DAB2: variants seen among roughly 807,000 people sequenced by gnomAD.
DAB2 encodes the protein DAB adaptor protein 2.
A neutral mutation model predicts 71.6 loss-of-function variants in DAB2; 28 were observed. The ratio of observed to expected loss-of-function variants is 0.39; its 90% CI spans 0.29 to 0.54. DAB2 has a LOEUF of 0.54. Among genes scored for constraint, DAB2 ranks in the 20% least tolerant of loss-of-function variants. The pLI is 0.68. For synonymous variants in DAB2, 345 were observed against 339.7 expected, an observed-to-expected ratio of 1.02 and a Z score of -0.17; for missense variants, 867 against 928.8, an observed-to-expected ratio of 0.93 and a Z score of 0.86.
chr5:39,392,397 A>G lies in DAB2; in HGVS notation c.298T>C (p.Ser100Pro), dbSNP rs1191741864. The stretch of plus-strand genomic sequence containing the variant: ...TTCTCATCAATTATTTTTATCCCAG[A>G]AAGGGAAATGTTGACCCAGATCCTT... ...KQRIWVNISLSGIKIIDEKTG... is the reference protein window; with the variant it reads ...KQRIWVNISLPGIKIIDEKTG... The change falls in exon 4 of 15, where the codon TCT (serine) becomes CCT (proline). Residue 100 changes from serine to proline, a missense_variant. Physicochemically the swap from Ser to Pro is moderately conservative, Grantham distance 74. Transcript: ENST00000320816. 1 of 1,614,072 alleles carries G rather than the reference A, an allele frequency of 6.2e-7. No individual in the cohort carries two copies. The highest frequency in any genetic ancestry group is 8.5e-7 in the Non-Finnish European group (1 of 1,179,934).
chr5:39,394,742 C>T (rs1755316525), intron 1 of DAB2, among the ~76,000 whole-genome samples: 1 of 129,282 alleles, frequency 7.7e-6, no homozygotes, highest in African/African-American at 2.7e-5. Context: ...GGATCGAAAA[C>T]TTGCTAGGCA....
At chr5:39,381,180 G>T (rs1754971891) in intron 11 of DAB2, among the ~76,000 whole-genome samples, 2 of 152,122 alleles carry the variant, frequency 1.3e-5, no homozygotes, top group South Asian at 4.1e-4. Flanking sequence ...CCTTACAATT[G>T]TCTTTCAGGA....
intron 1 of DAB2, among the ~76,000 whole-genome samples, chr5:39,414,963 G>A (rs1436244757): frequency 6.6e-6 from 1 of 152,090 alleles, no homozygotes; most frequent in Non-Finnish European, 1.5e-5. Flanking sequence ...TAGAGGTTAG[G>A]TAGGGGAGAA....
intron 1 of DAB2, among the ~76,000 whole-genome samples, chr5:39,404,352 A>G (rs902185444): frequency 6.6e-6 from 1 of 151,518 alleles, no homozygotes; most frequent in Admixed American, 6.6e-5. Context: ...TACGTAACTA[A>G]CCTGCACATT....
At chr5:39,394,159 T>G in intron 2 of DAB2, 71 bp downstream of exon 2, 1 of 1,263,324 alleles carries the variant, frequency 7.9e-7, no homozygotes, top group Non-Finnish European at 1.2e-6. Context: ...TACTTTATTC[T>G]GAATCTCACA....
chr5:39,396,561 A>G (rs187470073), intron 1 of DAB2, among the ~76,000 whole-genome samples: 25 of 151,810 alleles, frequency 1.6e-4, no homozygotes, highest in Middle Eastern at 3.4e-3. Context: ...ATACACTGGT[A>G]TGTATTACCT....
chr5:39,394,271 T>C lies in DAB2; in HGVS notation c.50A>G (p.Gln17Arg). The stretch of plus-strand genomic sequence containing the variant: ...CTTTGAGGGTGCTTTTGGTGCGGCC[T>C]GTTGGTCGGGCTGACCATTGGTTGC... Reference protein sequence around the residue: ...TSATNGQPDQQAAPKAPSKKE... With the variant: ...TSATNGQPDQRAAPKAPSKKE... The change falls in exon 2 of 15, where the codon CAG (glutamine) becomes CGG (arginine). Residue 17 changes from glutamine to arginine, a missense_variant. Physicochemically the swap from Gln to Arg is conservative, Grantham distance 43 (BLOSUM62 1). Transcript: ENST00000320816. 2 of 1,614,138 alleles carry C rather than the reference T, an allele frequency of 1.2e-6. No individual in the cohort carries two copies. Among genetic ancestry groups the C allele is most frequent in the Non-Finnish European group, 8.5e-7 (1 of 1,180,012 alleles).
rs953055493 is a variant in DAB2, at chr5:39,388,898, T to C, written c.571-46A>G. Reference sequence around the variant, plus strand: ...TAAGGATTTAGTTGAGCTTTGTCTATAAAATGTATTTGTCCACTCTATTAG... The same window carrying C: ...TAAGGATTTAGTTGAGCTTTGTCTACAAAATGTATTTGTCCACTCTATTAG... On this transcript the variant is annotated intron_variant, in intron 7 of 14. Coordinates refer to ENST00000320816, the MANE Select transcript of DAB2 (RefSeq NM_001343.4). 1.3e-5 allele frequency: 20 copies of C among 1,530,096 alleles called. No individual in the cohort carries two copies. In the Admixed American group the frequency reaches 3.3e-4, roughly 26 times the overall value. 94.8% of individuals were successfully genotyped at this position (1,530,096 alleles called of 1,614,324 possible). A position where few individuals can be genotyped will look rare whatever the true frequency, so the allele number is the denominator to read the frequency against.
chr5:39,392,979 G>GA (rs1228823025), intron 3 of DAB2, among the ~76,000 whole-genome samples: 5 of 152,162 alleles, frequency 3.3e-5, no homozygotes, highest in African/African-American at 1.2e-4. Context: ...TATAGGAATA[G>GA]AAATAGGAAT....
chr5:39,420,779 C>G (rs1253798976), intron 1 of DAB2, among the ~76,000 whole-genome samples: 2 of 152,120 alleles, frequency 1.3e-5, no homozygotes, highest in Admixed American at 1.3e-4. Flanking sequence ...CACTTAGTAA[C>G]TTCCATTTTT....
At chr5:39,388,277 C>T in intron 9 of DAB2, 28 bp downstream of exon 9, 3 of 1,540,102 alleles carry the variant, frequency 1.9e-6, no homozygotes, top group Non-Finnish European at 2.7e-6. Flanking sequence ...CATTTTATTA[C>T]ATTGCAAATT....
intron 1 of DAB2, among the ~76,000 whole-genome samples, chr5:39,395,750 G>A (rs1030012522): frequency 6.6e-6 from 1 of 152,098 alleles, no homozygotes; most frequent in Non-Finnish European, 1.5e-5. Flanking sequence ...CAACCAGGGA[G>A]ACAGTCTGTT....
chr5:39,393,182 A>G (rs567110617), intron 3 of DAB2, 72 bp downstream of exon 3: 3 of 1,485,024 alleles, frequency 2.0e-6, no homozygotes, highest in Non-Finnish European at 2.8e-6. Flanking sequence ...TAGGTCAACA[A>G]GAGCTTCTAA....
intron 1 of DAB2, among the ~76,000 whole-genome samples, chr5:39,396,883 T>G (rs1579914694): frequency 6.6e-6 from 1 of 152,328 alleles, no homozygotes; most frequent in East Asian, 1.9e-4. Context: ...ATGTGGATGC[T>G]GAGTAGCTGG....
intron 3 of DAB2, 105 bp from the exon 4 acceptor site, chr5:39,392,568 C>G: frequency 1.2e-6 from 1 of 801,194 alleles, no homozygotes; most frequent in East Asian, 2.6e-5. Flanking sequence ...TCGACTTGAT[C>G]TGCCATCGAT....
At chr5:39,376,557 G>A (rs187746704) in intron 12 of DAB2, 93 bp downstream of exon 12, 141 of 1,417,836 alleles carry the variant, frequency 9.9e-5, no homozygotes, top group Admixed American at 3.2e-4. Context: ...AGCTGTTGGC[G>A]GGTGGGAGAG....
At chr5:39,375,696 C>T (rs1754810023) in intron 13 of DAB2, among the ~76,000 whole-genome samples, 1 of 151,912 alleles carries the variant, frequency 6.6e-6, no homozygotes, top group Non-Finnish European at 1.5e-5. Context: ...ACCAGTCTGG[C>T]CAACATGGCG....
At chr5:39,423,307 G>T (rs1410424454) in intron 1 of DAB2, among the ~76,000 whole-genome samples, 1 of 1,162 alleles carries the variant, frequency 8.6e-4, no homozygotes, top group Non-Finnish European at 4.3e-3. Context: ...TCTTCTTCAT[G>T]CTTTCTCTAG....
intron 1 of DAB2, among the ~76,000 whole-genome samples, chr5:39,401,012 G>A (rs1371324443): frequency 1.3e-5 from 2 of 152,200 alleles, no homozygotes; most frequent in Non-Finnish European, 2.9e-5. Context: ...AGCTCTTTAA[G>A]AATAGGGGTC....
Sources: gnomAD v4.1 joint callset for allele counts (sites outside exome capture counted in the v4.1 genomes callset) on GRCh38, gnomAD v4.1.1 for gene constraint, MANE v1.5 for transcripts, NCBI Gene and HGNC (gene_info 2026-07-23, HGNC 2026-07-21) for gene names.